CSMD1: variants seen among roughly 807,000 people sequenced by gnomAD.
CSMD1 encodes CUB and Sushi multiple domains 1.
CSMD1 carries 213 observed loss-of-function variants against 417.5 expected under a neutral mutation model. The ratio of observed to expected loss-of-function variants is 0.51; its 90% CI spans 0.46 to 0.57. The LOEUF (loss-of-function observed/expected upper bound fraction) is 0.57, where lower values mean the gene tolerates loss of function less well. Ranked by LOEUF, CSMD1 falls within the 20% of genes least tolerant of loss-of-function variation. The probability of loss-of-function intolerance (pLI) is 0.00; values close to 1 mark genes in which losing one functional copy is unlikely to be tolerated. For missense variants in CSMD1, 6,923 were observed against 4,529.7 expected, an observed-to-expected ratio of 1.53 and a Z score of -15.17; for synonymous variants, 2,862 against 1,736.8, an observed-to-expected ratio of 1.65 and a Z score of -16.11.
chr8:4,893,472 A>C (rs936062089), intron 1 of CSMD1, among the ~76,000 whole-genome samples: 31 of 152,122 alleles, frequency 2.0e-4, no homozygotes, highest in Admixed American at 1.5e-3. Context: ...TGTTGTCTTT[A>C]AGAGCTTCCC....
intron 3 of CSMD1, among the ~76,000 whole-genome samples, chr8:4,257,521 C>T (rs1187383786): frequency 2.0e-5 from 3 of 152,018 alleles, no homozygotes; most frequent in African/African-American, 7.2e-5. Flanking sequence ...TTTTTCAATA[C>T]AGTTTTGAAT....
intron 3 of CSMD1, among the ~76,000 whole-genome samples, chr8:4,168,146 TAC>T (rs34184056): frequency 0.048 from 7,138 of 149,422 alleles, 311 homozygotes; most frequent in African/African-American, 0.11. Flanking sequence ...AAAAAAAATA[TAC>T]ACACACACAC....
At chr8:4,393,939 C>G (rs1356564888) in intron 3 of CSMD1, among the ~76,000 whole-genome samples, 1 of 152,160 alleles carries the variant, frequency 6.6e-6, no homozygotes, top group Admixed American at 6.5e-5. Flanking sequence ...AAGATATTGC[C>G]TGTGTTTCAG....
intron 7 of CSMD1, among the ~76,000 whole-genome samples, chr8:3,633,625 A>T: frequency 6.6e-6 from 1 of 152,232 alleles, no homozygotes; most frequent in East Asian, 1.9e-4. Context: ...ATATTTCCTA[A>T]TTTAAAAAAT....
intron 8 of CSMD1, among the ~76,000 whole-genome samples, chr8:3,608,636 C>T (rs370121304): frequency 3.3e-5 from 5 of 151,420 alleles, no homozygotes; most frequent in Non-Finnish European, 7.4e-5. Context: ...TGGTAGCACA[C>T]GCCTGTAATC....
intron 23 of CSMD1, among the ~76,000 whole-genome samples, chr8:3,319,201 T>C (rs1370983691): frequency 1.3e-5 from 2 of 152,204 alleles, no homozygotes; most frequent in African/African-American, 2.4e-5. Flanking sequence ...AACTCACATA[T>C]TTCTGTTTTT....
At chr8:4,898,853 G>C (rs1051312529) in intron 1 of CSMD1, among the ~76,000 whole-genome samples, 2 of 151,974 alleles carry the variant, frequency 1.3e-5, no homozygotes, top group East Asian at 3.9e-4. Flanking sequence ...ATGACAGTGT[G>C]GTTTATTTGT....
At chr8:3,333,095 G>A (rs530675717) in intron 23 of CSMD1, among the ~76,000 whole-genome samples, 49 of 152,280 alleles carry the variant, frequency 3.2e-4, no homozygotes, top group African/African-American at 1.1e-3. Context: ...AAATGCCAGT[G>A]GCACCAAGGA....
At chr8:3,741,489 A>C (rs574834315) in intron 6 of CSMD1, among the ~76,000 whole-genome samples, 1 of 152,180 alleles carries the variant, frequency 6.6e-6, no homozygotes, top group Non-Finnish European at 1.5e-5. Context: ...TTACCAAGTA[A>C]AATGTACTTC....
intron 10 of CSMD1, among the ~76,000 whole-genome samples, chr8:3,562,827 T>A (rs1396918132): frequency 5.3e-5 from 8 of 152,038 alleles, no homozygotes; most frequent in African/African-American, 1.9e-4. Flanking sequence ...GCACTAGGCT[T>A]ATTTACCGGG....
intron 1 of CSMD1, among the ~76,000 whole-genome samples, chr8:4,769,162 T>C (rs1043482866): frequency 1.3e-5 from 2 of 152,214 alleles, no homozygotes; most frequent in Non-Finnish European, 2.9e-5. Context: ...TTCTTGATTT[T>C]AGCTTTGTAA....
intron 23 of CSMD1, among the ~76,000 whole-genome samples, chr8:3,330,137 G>A (rs1212873112): frequency 6.6e-6 from 1 of 152,104 alleles, no homozygotes; most frequent in Non-Finnish European, 1.5e-5. Flanking sequence ...AGACAGAAAT[G>A]TCATTCAAGA....
At chr8:3,255,405 G>C (rs1005426592) in intron 26 of CSMD1, among the ~76,000 whole-genome samples, 5 of 152,204 alleles carry the variant, frequency 3.3e-5, no homozygotes, top group African/African-American at 1.2e-4. Flanking sequence ...CTGTCAGACA[G>C]GGACATTTCA....
Position 4,113,390 on chromosome 8 carries a change from CTTTTTTTTT to C in CSMD1, c.416-81300_416-81292del, listed in dbSNP as rs59647790. On this transcript the variant is annotated intron_variant, in intron 3 of 69. Transcript: ENST00000635120. ...ATGTTCTTCAAGGAAAATAAAAGGG[CTTTTTTTTT>C]TTTTTTTTTTTTTTTTTTTAAATGA... Among the ~76,000 whole-genome samples the C allele has an allele frequency of 6.8e-3, 555 of 81,200 alleles. 3 individuals carry two copies. Among genetic ancestry groups the C allele is most frequent in the Middle Eastern group, 0.034 (2 of 58 alleles). 53.3% of individuals were successfully genotyped at this position (81,200 alleles called of 152,430 possible). A position where few individuals can be genotyped will look rare whatever the true frequency, so the allele number is the denominator to read the frequency against.
intron 3 of CSMD1, among the ~76,000 whole-genome samples, chr8:4,097,955 G>T (rs915653153): frequency 6.6e-6 from 1 of 152,128 alleles, no homozygotes; most frequent in Admixed American, 6.6e-5. Flanking sequence ...TTTGATCATG[G>T]TATGTTCTTA....
At chr8:3,602,764 G>C (rs940350622) in intron 8 of CSMD1, among the ~76,000 whole-genome samples, 4 of 151,406 alleles carry the variant, frequency 2.6e-5, no homozygotes, top group African/African-American at 9.7e-5. Flanking sequence ...AAGTGTTACA[G>C]AAGGTCATTT....
Position 4,039,392 on chromosome 8 carries a change from A to AGAAAAATCT in CSMD1, c.416-7302_416-7294dup, listed in dbSNP as rs1374382505. Among the ~76,000 whole-genome samples the AGAAAAATCT allele has an allele frequency of 5.9e-5, 9 of 152,352 alleles. No homozygotes were observed. The South Asian group carries it at 1.0e-3, about 18-fold the overall frequency. On this transcript the variant is annotated intron_variant, in intron 3 of 69. Transcript: ENST00000635120. The stretch of plus-strand genomic sequence containing the variant: ...CTCTCTCCTGGCTTTGGGAAGGATT[A>AGAAAAATCT]GAAAAATCTGGTTATATAATTTTCA...
chr8:4,480,955 A>T (rs1725119), intron 2 of CSMD1, among the ~76,000 whole-genome samples: 86,240 of 152,006 alleles, frequency 0.57, 25,467 homozygotes, highest in Middle Eastern at 0.69. Flanking sequence ...ACCTATTAAC[A>T]GTCTTCCCCA....
intron 4 of CSMD1, among the ~76,000 whole-genome samples, chr8:4,011,938 T>C (rs1305158927): frequency 6.6e-6 from 1 of 152,090 alleles, no homozygotes; most frequent in Non-Finnish European, 1.5e-5. Flanking sequence ...CCCATATACT[T>C]TAAATCATCT....
Sources: allele counts gnomAD v4.1 joint callset (sites outside exome capture counted in the v4.1 genomes callset), GRCh38; gene constraint gnomAD v4.1.1; transcripts MANE v1.5; gene names NCBI Gene and HGNC (gene_info 2026-07-23, HGNC 2026-07-21).